Variants in GPC5 observed in about 807,000 individuals in gnomAD.
GPC5 encodes the protein glypican-5.
In GPC5, 47 loss-of-function variants were observed where a neutral mutation model predicts 53.9. The ratio of observed to expected loss-of-function variants is 0.87; its 90% CI spans 0.69 to 1.11. The LOEUF (loss-of-function observed/expected upper bound fraction) is 1.11. Among genes scored for constraint, GPC5 ranks in the 50% most tolerant of loss-of-function variants. The pLI is 0.00. For synonymous variants in GPC5, 286 were observed against 263.3 expected (o/e 1.09, Z -0.84); for missense variants, 748 against 713.1 (o/e 1.05, Z -0.56).
intron 2 of GPC5, among the ~76,000 whole-genome samples, chr13:91,569,816 C>G (rs908547649): frequency 9.2e-5 from 14 of 152,124 alleles, no homozygotes; most frequent in Admixed American, 7.9e-4. Context: ...TGTGAGGACA[C>G]CTTGACAGTG....
chr13:92,114,251 C>T (rs542426220), intron 6 of GPC5, among the ~76,000 whole-genome samples: 1 of 152,154 alleles, frequency 6.6e-6, no homozygotes, highest in Non-Finnish European at 1.5e-5. Context: ...CATTTCCCAC[C>T]CCACGTGTGA....
chr13:91,802,923 C>A (rs2038159307), intron 5 of GPC5, among the ~76,000 whole-genome samples: 1 of 152,094 alleles, frequency 6.6e-6, no homozygotes, highest in Non-Finnish European at 1.5e-5. Context: ...TTTTCTCTGA[C>A]TGGATTGTTA....
intron 2 of GPC5, among the ~76,000 whole-genome samples, chr13:91,478,459 A>C (rs904363076): frequency 6.6e-6 from 1 of 151,942 alleles, no homozygotes; most frequent in African/African-American, 2.4e-5. Context: ...AGCATTTTAT[A>C]TATGCTATTT....
intron 7 of GPC5, among the ~76,000 whole-genome samples, chr13:92,370,843 C>A (rs1166025897): frequency 2.0e-5 from 3 of 151,984 alleles, no homozygotes; most frequent in African/African-American, 7.3e-5. Flanking sequence ...GAACACATTT[C>A]TTTTGGTAAA....
intron 6 of GPC5, among the ~76,000 whole-genome samples, chr13:92,055,442 A>C (rs949361514): frequency 3.3e-5 from 5 of 152,216 alleles, no homozygotes; most frequent in Admixed American, 3.3e-4. Flanking sequence ...AAAATTCAAG[A>C]TGTAAACTTT....
chr13:92,810,572 T>A (rs1242523999), intron 7 of GPC5, among the ~76,000 whole-genome samples: 2 of 151,910 alleles, frequency 1.3e-5, no homozygotes, highest in Non-Finnish European at 2.9e-5. Context: ...CAAGAACTTG[T>A]AATCATTAAG....
At chr13:92,451,793 A>C (rs1878069982) in intron 7 of GPC5, among the ~76,000 whole-genome samples, 2 of 152,204 alleles carry the variant, frequency 1.3e-5, no homozygotes, top group Admixed American at 1.3e-4. Flanking sequence ...AAATTGTCAA[A>C]GGTTGGGTCA....
chr13:91,803,283 A>G (rs1298723193), intron 5 of GPC5, among the ~76,000 whole-genome samples: 1 of 152,154 alleles, frequency 6.6e-6, no homozygotes, highest in Non-Finnish European at 1.5e-5. Context: ...TCAGACTGTA[A>G]AGTTGTGGTG....
intron 2 of GPC5, among the ~76,000 whole-genome samples, chr13:91,475,740 C>G (rs1158213395): frequency 6.6e-6 from 1 of 152,088 alleles, no homozygotes. Flanking sequence ...GTTGGCAGGA[C>G]TGTGAGAGAG....
intron 7 of GPC5, among the ~76,000 whole-genome samples, chr13:92,476,280 A>C (rs1225275095): frequency 1.3e-5 from 2 of 152,184 alleles, no homozygotes; most frequent in Non-Finnish European, 2.9e-5. Context: ...GCAGCCAAAA[A>C]ACACATGAAA....
At chr13:92,568,717 A>T (rs1253307711) in intron 7 of GPC5, among the ~76,000 whole-genome samples, 1 of 152,140 alleles carries the variant, frequency 6.6e-6, no homozygotes, top group Admixed American at 6.6e-5. Flanking sequence ...CATACACATT[A>T]GTTCGTTTAG....
intron 5 of GPC5, among the ~76,000 whole-genome samples, chr13:91,843,077 AACTG>A (rs1566298607): frequency 1.3e-5 from 2 of 152,180 alleles, no homozygotes; most frequent in Non-Finnish European, 2.9e-5. Flanking sequence ...CATGAATGTT[AACTG>A]ACTGTGTAAC....
chr13:92,420,244 A>G (rs926578516), intron 7 of GPC5, among the ~76,000 whole-genome samples: 1 of 152,216 alleles, frequency 6.6e-6, no homozygotes, highest in Non-Finnish European at 1.5e-5. Flanking sequence ...ATTCATTTCA[A>G]GCCAAAATAT....
intron 7 of GPC5, among the ~76,000 whole-genome samples, chr13:92,596,541 T>C (rs1883887209): frequency 6.6e-6 from 1 of 152,118 alleles, no homozygotes; most frequent in Non-Finnish European, 1.5e-5. Context: ...TGGCACAATG[T>C]TGGCTCACTG....
chr13:91,995,507 CTTCTG>C (rs1183974612), intron 6 of GPC5: 1 of 152,116 alleles, frequency 6.6e-6, no homozygotes, highest in African/African-American at 2.4e-5. Flanking sequence ...GATCTAAGTG[CTTCTG>C]TTCTGTTCCC....
At chr13:92,467,223 G>A (rs971872998) in intron 7 of GPC5, among the ~76,000 whole-genome samples, 1 of 152,110 alleles carries the variant, frequency 6.6e-6, no homozygotes, top group Non-Finnish European at 1.5e-5. Flanking sequence ...TTTTTCTTCG[G>A]AGCTTTTCAG....
intron 7 of GPC5, among the ~76,000 whole-genome samples, chr13:92,567,326 T>C (rs1882891599): frequency 1.3e-5 from 2 of 152,152 alleles, no homozygotes; most frequent in South Asian, 4.1e-4. Context: ...TATCACATAA[T>C]TGATACTGTA....
chr13:91,868,492 C>G (rs1379758721), intron 5 of GPC5, among the ~76,000 whole-genome samples: 5 of 152,058 alleles, frequency 3.3e-5, no homozygotes, highest in Admixed American at 3.3e-4. Flanking sequence ...ATTACTTGAG[C>G]CTGGGAGTTG....
chr13:91,463,429 T>C (rs1882055674), intron 2 of GPC5, among the ~76,000 whole-genome samples: 1 of 152,116 alleles, frequency 6.6e-6, no homozygotes. Flanking sequence ...CGTCCAAGCA[T>C]GTTAATTGTA....
Sources: gnomAD v4.1 joint callset for allele counts (sites outside exome capture counted in the v4.1 genomes callset) on GRCh38, gnomAD v4.1.1 for gene constraint, MANE v1.5 for transcripts, NCBI Gene and HGNC (gene_info 2026-07-23, HGNC 2026-07-21) for gene names.